MYO1E: variants seen among roughly 807,000 people sequenced by gnomAD.
The protein encoded by MYO1E is unconventional myosin-Ie.
Under a neutral mutation model 151.1 loss-of-function variants are expected in MYO1E, and 68 were observed. The ratio of observed to expected loss-of-function variants is 0.45; its 90% CI spans 0.37 to 0.55. The LOEUF (loss-of-function observed/expected upper bound fraction) is 0.55, where lower values mean the gene tolerates loss of function less well. Among genes scored for constraint, MYO1E ranks in the 20% least tolerant of loss-of-function variants. The pLI, the probability that MYO1E is intolerant of heterozygous loss-of-function variation, is 0.00. For missense variants in MYO1E, 1,363 were observed against 1,389.3 expected, an observed-to-expected ratio of 0.98 and a Z score of 0.30; for synonymous variants, 601 against 501.7, an observed-to-expected ratio of 1.20 and a Z score of -2.64.
intron 4 of MYO1E, among the ~76,000 whole-genome samples, chr15:59,250,726 C>A (rs1170551809): frequency 4.6e-5 from 7 of 152,090 alleles, no homozygotes; most frequent in South Asian, 4.2e-4. Context: ...ACCGAGGAGG[C>A]CTGTGTCCTT....
intron 6 of MYO1E, among the ~76,000 whole-genome samples, chr15:59,231,124 G>A (rs2080025023): frequency 6.6e-6 from 1 of 152,212 alleles, no homozygotes; most frequent in South Asian, 2.1e-4. Context: ...GAGGCAACCT[G>A]TGAGGCCAGG....
At position 59,207,995 on chromosome 15, in the gene MYO1E, T is replaced by C. The variant is rs1263993876; in HGVS notation, c.1530+686A>G. The stretch of plus-strand genomic sequence containing the variant: ...CTGGGAGAGAACGGTATTACCAACC[T>C]TATAAAGATAAAGCTGACCCCTGAA... On this transcript the variant is annotated intron_variant, in intron 14 of 27. Coordinates refer to ENST00000288235, the MANE Select transcript of MYO1E (RefSeq NM_004998.4). 5 of 1,613,548 alleles carry C rather than the reference T, an allele frequency of 3.1e-6. No homozygotes were observed. In the African/African-American group the frequency reaches 6.7e-5, roughly 22 times the overall value.
At position 59,214,331 on chromosome 15, in the gene MYO1E, A is replaced by G. The variant is rs1186560123; in HGVS notation, c.1189-17T>C. The G allele has an allele frequency of 1.4e-5, 22 of 1,540,660 alleles. No homozygotes were observed. The East Asian group carries it at 4.9e-4, about 35-fold the overall frequency. On this transcript the variant is annotated splice_polypyrimidine_tract_variant and intron_variant, in intron 11 of 27. Transcript: ENST00000288235. ...GCCATTTTTCTGGAAAAAAAAAGTT[A>G]TTCACATGTAATTCTTTCACAAAAT...
chr15:59,233,661 TAAAAAA>T (rs11285934), intron 5 of MYO1E, among the ~76,000 whole-genome samples: 2 of 78,388 alleles, frequency 2.6e-5, no homozygotes, highest in African/African-American at 4.8e-5. Flanking sequence ...AGACTCCGTC[TAAAAAA>T]AAAAAAAAAA....
At position 59,159,801 on chromosome 15, in the gene MYO1E, C is replaced by T. The variant is rs1482312770; in HGVS notation, c.2785+1272G>A. 1.3e-5 allele frequency among the ~76,000 whole-genome samples: 2 copies of T among 152,072 alleles called. No individual in the cohort carries two copies. Among genetic ancestry groups the T allele is most frequent in the Non-Finnish European group, 2.9e-5 (2 of 68,010 alleles). On this transcript the variant is annotated intron_variant, in intron 24 of 27. Coordinates refer to ENST00000288235, the MANE Select transcript of MYO1E (RefSeq NM_004998.4). The surrounding 1 kb of genome is among the most constrained non-coding windows in gnomAD (Gnocchi z 4.4). Reference sequence around the variant, plus strand: ...GGTATTGTATTAATATGTTAGAGAACATGTTAAGGTGTACCTTTGCAGACA... The same window carrying T: ...GGTATTGTATTAATATGTTAGAGAATATGTTAAGGTGTACCTTTGCAGACA...
intron 21 of MYO1E, among the ~76,000 whole-genome samples, 172 bp from the exon 22 acceptor site, chr15:59,172,214 G>C (rs1302388862): frequency 2.0e-5 from 3 of 152,186 alleles, no homozygotes; most frequent in African/African-American, 7.2e-5. Flanking sequence ...AAAATTAGCT[G>C]GGTGTGGTGG....
At chr15:59,220,029 T>C (rs1297847336) in intron 9 of MYO1E, among the ~76,000 whole-genome samples, 1 of 152,210 alleles carries the variant, frequency 6.6e-6, no homozygotes. Context: ...GTTGTGAGAA[T>C]CAAGAGACAT....
intron 1 of MYO1E, among the ~76,000 whole-genome samples, chr15:59,295,876 T>C (rs1019176315): frequency 2.6e-5 from 4 of 152,148 alleles, no homozygotes; most frequent in South Asian, 2.1e-4. Context: ...AGTGTAACAA[T>C]GGCTATGTCA....
intron 19 of MYO1E, 77 bp downstream of exon 19, chr15:59,178,316 A>C: frequency 6.5e-7 from 1 of 1,544,312 alleles, no homozygotes; most frequent in South Asian, 1.2e-5. Context: ...GAGAAAAAGA[A>C]GCCAGCTGAG....
chr15:59,209,282 T>C (rs369649219), intron 13 of MYO1E, among the ~76,000 whole-genome samples: 2 of 152,232 alleles, frequency 1.3e-5, no homozygotes, highest in South Asian at 4.1e-4. Context: ...CTTTTTCACA[T>C]AGCACTATTT....
At chr15:59,367,694 T>C (rs2080922383) in intron 1 of MYO1E, among the ~76,000 whole-genome samples, 1 of 152,242 alleles carries the variant, frequency 6.6e-6, no homozygotes. Flanking sequence ...TTAGACATTC[T>C]TCCTGGTGAG....
At chr15:59,188,687 C>T (rs1325198234) in intron 17 of MYO1E, among the ~76,000 whole-genome samples, 2 of 152,108 alleles carry the variant, frequency 1.3e-5, no homozygotes, top group African/African-American at 4.8e-5. Flanking sequence ...CAGAGTGAGA[C>T]TCCGTCTCAG....
chr15:59,257,043 T>G lies in MYO1E; in HGVS notation c.238-665A>C, dbSNP rs530048808. Among the ~76,000 whole-genome samples the G allele has an allele frequency of 2.6e-5, 4 of 152,354 alleles. No individual in the cohort carries two copies. The East Asian group carries it at 7.7e-4, about 29-fold the overall frequency. ...CTCCTGGGTTTGTGATTTCATCTTA[T>G]GGGATATCTTAGCTATGCACAAATA... On this transcript the variant is annotated intron_variant, in intron 3 of 27. Coordinates refer to ENST00000288235, the MANE Select transcript of MYO1E (RefSeq NM_004998.4).
chr15:59,138,516 T>C (rs1374997549), intron 26 of MYO1E, 149 bp from the exon 27 acceptor site: 2 of 826,746 alleles, frequency 2.4e-6, no homozygotes, highest in Non-Finnish European at 3.8e-6. Flanking sequence ...GTGCAGTCTT[T>C]AAACTTGAGG....
At chr15:59,197,323 C>T (rs2079773653) in intron 16 of MYO1E, among the ~76,000 whole-genome samples, 1 of 152,128 alleles carries the variant, frequency 6.6e-6, no homozygotes, top group Admixed American at 6.6e-5. Flanking sequence ...AATAACTTTG[C>T]AAACTCTTTT....
At chr15:59,183,145 G>C (rs750575878) in intron 18 of MYO1E, among the ~76,000 whole-genome samples, 7 of 91,878 alleles carry the variant, frequency 7.6e-5, no homozygotes, top group Non-Finnish European at 1.3e-4. Context: ...CTGCGAGTTG[G>C]GGACCCCTGC....
intron 1 of MYO1E, among the ~76,000 whole-genome samples, chr15:59,276,748 A>G (rs2080321654): frequency 6.6e-6 from 1 of 152,226 alleles, no homozygotes; most frequent in Non-Finnish European, 1.5e-5. Context: ...GGAACCTCAG[A>G]TGGGTGATTC....
At chr15:59,179,262 C>A (rs1450681639) in intron 18 of MYO1E, among the ~76,000 whole-genome samples, 1 of 152,138 alleles carries the variant, frequency 6.6e-6, no homozygotes, top group East Asian at 1.9e-4. Flanking sequence ...GACCAAAAAT[C>A]AAAAACTGCT....
intron 7 of MYO1E, 99 bp downstream of exon 7, chr15:59,227,359 TC>T: frequency 3.5e-6 from 5 of 1,442,416 alleles, no homozygotes; most frequent in Non-Finnish European, 4.8e-6. Context: ...TCATCAGTCC[TC>T]CCTGGCTTCC....
Sources: allele counts gnomAD v4.1 joint callset (sites outside exome capture counted in the v4.1 genomes callset), GRCh38; gene constraint gnomAD v4.1.1; non-coding constraint Gnocchi (gnomAD v3.1); transcripts MANE v1.5; gene names NCBI Gene and HGNC (gene_info 2026-07-23, HGNC 2026-07-21).